The following NUDT6 variants were observed in gnomAD, a reference collection of about 807,000 sequenced individuals.
The protein encoded by NUDT6 is nudix hydrolase 6.
NUDT6 carries 24 observed loss-of-function variants against 36.8 expected under a neutral mutation model. That is an observed-to-expected ratio of 0.65 (90% CI 0.47 to 0.92). The LOEUF (loss-of-function observed/expected upper bound fraction) is 0.92. Among genes scored for constraint, NUDT6 ranks in the 40% least tolerant of loss-of-function variants. NUDT6 has a pLI of 0.00. For synonymous variants in NUDT6, 163 were observed against 157.0 expected (o/e 1.04, Z -0.29); for missense variants, 388 against 392.8 (o/e 0.99, Z 0.10).
intron 3 of NUDT6, among the ~76,000 whole-genome samples, chr4:122,912,012 T>C (rs1727741773): frequency 7.3e-6 from 1 of 136,950 alleles, no homozygotes; most frequent in Admixed American, 7.7e-5. Flanking sequence ...GCAATTCGAA[T>C]TTTATCAGTT....
intron 3 of NUDT6, among the ~76,000 whole-genome samples, chr4:122,909,263 G>T (rs1727683428): frequency 6.6e-6 from 1 of 152,076 alleles, no homozygotes; most frequent in African/African-American, 2.4e-5. Context: ...TTAGTGAAAA[G>T]ATTACCCTAT....
intron 3 of NUDT6, among the ~76,000 whole-genome samples, chr4:122,900,114 G>A (rs1727490551): frequency 8.1e-6 from 1 of 123,594 alleles, no homozygotes; most frequent in East Asian, 2.5e-4. Flanking sequence ...GTGCGCCAAC[G>A]GTTAACTTAC....
intron 3 of NUDT6, among the ~76,000 whole-genome samples, chr4:122,910,102 G>C (rs1036934815): frequency 2.0e-5 from 3 of 152,184 alleles, no homozygotes; most frequent in Non-Finnish European, 2.9e-5. Context: ...AAAAGTTTTA[G>C]TGGTTTACCT....
intron 2 of NUDT6, 122 bp from the exon 3 acceptor site, chr4:122,912,745 C>G: frequency 1.5e-6 from 1 of 645,908 alleles, no homozygotes; most frequent in Non-Finnish European, 2.8e-6. Flanking sequence ...GGTTCAAATA[C>G]AGGTTGAGTA....
intron 4 of NUDT6, 25 bp downstream of exon 4, chr4:122,897,599 A>G: frequency 1.3e-6 from 2 of 1,498,244 alleles, no homozygotes; most frequent in South Asian, 1.1e-5. Context: ...TTTTTAAGCC[A>G]ATTAAAAATA....
chr4:122,914,301 T>C (rs1327225374), intron 2 of NUDT6, among the ~76,000 whole-genome samples: 1 of 152,182 alleles, frequency 6.6e-6, no homozygotes, highest in Non-Finnish European at 1.5e-5. Flanking sequence ...TTAACATTAA[T>C]GTTGGCTTCT....
At chr4:122,903,553 GA>G (rs1727564583) in intron 3 of NUDT6, among the ~76,000 whole-genome samples, 1 of 152,164 alleles carries the variant, frequency 6.6e-6, no homozygotes, top group Admixed American at 6.5e-5. Context: ...TTAATAAGTT[GA>G]TGCTGTTATT....
At chr4:122,903,470 C>T (rs1259727837) in intron 3 of NUDT6, among the ~76,000 whole-genome samples, 1 of 152,198 alleles carries the variant, frequency 6.6e-6, no homozygotes, top group Non-Finnish European at 1.5e-5. Flanking sequence ...CTTGTAAACA[C>T]AGAATTGCTG....
chr4:122,894,051 G>T (rs1727273993), intron 4 of NUDT6: 1 of 152,222 alleles, frequency 6.6e-6, no homozygotes, highest in Admixed American at 6.5e-5. Flanking sequence ...AGAAGAGGAA[G>T]TCACAGAAAC....
intron 3 of NUDT6, among the ~76,000 whole-genome samples, chr4:122,907,461 T>TC (rs1727641679): frequency 6.8e-6 from 1 of 147,900 alleles, no homozygotes; most frequent in Non-Finnish European, 1.5e-5. Flanking sequence ...TTTTTTTTTT[T>TC]TTTTTCTGAG....
At chr4:122,917,992 T>C (rs1185739526) in intron 1 of NUDT6, 1 of 356,296 alleles carries the variant, frequency 2.8e-6, no homozygotes, top group Admixed American at 4.5e-5. Flanking sequence ...TGTTCTGTAG[T>C]TTTAGAGTGG....
intron 3 of NUDT6, among the ~76,000 whole-genome samples, chr4:122,906,094 G>A (rs1017540908): frequency 6.6e-6 from 1 of 152,166 alleles, no homozygotes; most frequent in African/African-American, 2.4e-5. Flanking sequence ...TTTCCTGTTA[G>A]GGGATTGGCT....
chr4:122,914,186 A>G (rs1727786378), intron 2 of NUDT6, among the ~76,000 whole-genome samples: 1 of 152,240 alleles, frequency 6.6e-6, no homozygotes, highest in South Asian at 2.1e-4. Context: ...TAGAGAAGGA[A>G]TAAATATGTG....
Position 122,917,543 on chromosome 4 carries a change from T to G in NUDT6, c.400A>C (p.Ser134Arg). The G allele has an allele frequency of 6.2e-7, 1 of 1,614,222 alleles. No homozygotes were observed. The highest frequency in any genetic ancestry group is 8.5e-7 in the Non-Finnish European group (1 of 1,180,042). Residue 134 changes from serine to arginine, a missense_variant, in exon 2 of 5, where the codon AGC becomes CGC. Ser to Arg is a moderately radical substitution (Grantham distance 110). Transcript: ENST00000304430. The stretch of plus-strand genomic sequence containing the variant: ...TGTGAAGCATATCCTGGTAATCTGC[T>G]GGGCCCTTCTCTCAGCCACAGAGTC... ...TLTLWLREGPSRLPGYASHQV... is the reference protein window; with the variant it reads ...TLTLWLREGPRRLPGYASHQV...
chr4:122,892,986 T>A lies in NUDT6; in HGVS notation c.793A>T (p.Ser265Cys). Residue 265 changes from serine (S) to cysteine (C), a missense_variant, in exon 5 of 5, where the codon AGC becomes TGC. By Grantham distance (112) the Ser-to-Cys change is moderately radical. Coordinates refer to ENST00000304430, the MANE Select transcript of NUDT6 (RefSeq NM_007083.5). ...AKTENTTPIT[S>C]RVARLLLYGY... ...TACAGCAGCAGCCTAGCAACTCTGC[T>A]GGTGATGGGAGTTGTATTTTCAGTC... 1 of 1,614,204 alleles carries A rather than the reference T, an allele frequency of 6.2e-7. No homozygotes were observed. The highest frequency in any genetic ancestry group is 8.5e-7 in the Non-Finnish European group (1 of 1,180,038).
chr4:122,917,957 A>G (rs1727879981), intron 1 of NUDT6: 1 of 454,758 alleles, frequency 2.2e-6, no homozygotes, highest in South Asian at 2.5e-5. Flanking sequence ...CATACCACCA[A>G]AGACAATGCT....
intron 3 of NUDT6, among the ~76,000 whole-genome samples, chr4:122,900,183 A>G (rs1727491649): frequency 6.6e-6 from 1 of 151,912 alleles, no homozygotes; most frequent in South Asian, 2.1e-4. Context: ...GCACCAGGTA[A>G]GAGAATCTGG....
chr4:122,910,612 A>T (rs981356630), intron 3 of NUDT6, among the ~76,000 whole-genome samples: 2 of 151,836 alleles, frequency 1.3e-5, no homozygotes, highest in African/African-American at 2.4e-5. Flanking sequence ...TATTTAAAAA[A>T]CCTTCATGGT....
At chr4:122,900,788 G>A (rs992773940) in intron 3 of NUDT6, among the ~76,000 whole-genome samples, 2 of 152,000 alleles carry the variant, frequency 1.3e-5, no homozygotes, top group Non-Finnish European at 2.9e-5. Flanking sequence ...CAGGGCTCAC[G>A]AATGTGGACT....
Sources: gnomAD v4.1 joint callset for allele counts (sites outside exome capture counted in the v4.1 genomes callset) on GRCh38, gnomAD v4.1.1 for gene constraint, MANE v1.5 for transcripts, NCBI Gene and HGNC (gene_info 2026-07-23, HGNC 2026-07-21) for gene names.